ARMC9: variants seen among roughly 807,000 people sequenced by gnomAD.
ARMC9 encodes armadillo repeat containing 9.
A neutral mutation model predicts 107.0 loss-of-function variants in ARMC9; 94 were observed. The ratio of observed to expected loss-of-function variants is 0.88; its 90% confidence interval spans 0.74 to 1.04. ARMC9 has a LOEUF of 1.04. Among genes scored for constraint, ARMC9 ranks in the 50% least tolerant of loss-of-function variants. ARMC9 has a pLI of 0.00. For missense variants in ARMC9, 942 were observed against 1,030.1 expected (o/e 0.91, Z 1.17); for synonymous variants, 380 against 396.9 (o/e 0.96, Z 0.51).
intron 19 of ARMC9, among the ~76,000 whole-genome samples, chr2:231,301,839 C>T (rs903696948): frequency 2.6e-5 from 4 of 151,920 alleles, no homozygotes; most frequent in African/African-American, 7.3e-5. Flanking sequence ...ATCAGCTGGG[C>T]GTGGTGGTGC....
rs2040908665 is a variant in ARMC9, at chr2:231,290,456, C to A, written c.1627-897C>A. 2.0e-5 allele frequency among the ~76,000 whole-genome samples: 3 copies of A among 152,186 alleles called. No individual in the cohort carries two copies. The South Asian group carries it at 6.2e-4, about 32-fold the overall frequency. ...ACAGTTTGATCAGGGGCTTACATGCCACTAGATCCGTTTCTCTGGCAGTAC... is the reference window on the plus strand; with the variant it reads ...ACAGTTTGATCAGGGGCTTACATGCAACTAGATCCGTTTCTCTGGCAGTAC... On this transcript the variant is annotated intron_variant, in intron 17 of 24. Coordinates refer to ENST00000611582, the MANE Select transcript of ARMC9 (RefSeq NM_001352754.2).
At chr2:231,339,271 T>G (rs938712002) in intron 20 of ARMC9, among the ~76,000 whole-genome samples, 2 of 151,120 alleles carry the variant, frequency 1.3e-5, no homozygotes, top group African/African-American at 4.9e-5. Flanking sequence ...GAGGTTGCAG[T>G]GAGCCGAGAT....
intron 1 of ARMC9, among the ~76,000 whole-genome samples, chr2:231,200,171 C>G (rs536971447): frequency 3.9e-5 from 6 of 152,078 alleles, no homozygotes; most frequent in Admixed American, 1.3e-4. Flanking sequence ...GTGTTCTAGG[C>G]GGAGAGAGTA....
chr2:231,341,640 T>TAGATA lies in ARMC9; in HGVS notation c.1879-3335_1879-3334insAGATA, dbSNP rs1553633323. ...GATGATTGATTGATAGATAGATAGATGATAGATAGATAGATAGATAGATAG... is the reference window on the plus strand; with the variant it reads ...GATGATTGATTGATAGATAGATAGATAGATAGATAGATAGATAGATAGATAGATAG... On this transcript the variant is annotated intron_variant, in intron 20 of 24. Transcript: ENST00000611582. Among the ~76,000 whole-genome samples, 74 of 140,132 alleles carry TAGATA rather than the reference T, an allele frequency of 5.3e-4. 1 individual carries two copies. Among genetic ancestry groups the TAGATA allele is most frequent in the African/African-American group, 2.1e-3 (67 of 31,692 alleles). The allele number at this position is 140,132 out of a possible 152,430, so 91.9% of individuals were successfully genotyped here.
intron 20 of ARMC9, among the ~76,000 whole-genome samples, chr2:231,337,290 ATTTTTTTTT>A (rs58078324): frequency 1.1e-4 from 4 of 38,014 alleles, no homozygotes; most frequent in Admixed American, 8.2e-4. Flanking sequence ...ATATATATAT[ATTTTTTTTT>A]TTTTTTTTTT....
chr2:231,361,931 G>A (rs536891669), intron 23 of ARMC9, among the ~76,000 whole-genome samples: 6 of 152,268 alleles, frequency 3.9e-5, no homozygotes, highest in Non-Finnish European at 8.8e-5. Flanking sequence ...GAAAGGGGGC[G>A]CAGACAAGTG....
intron 12 of ARMC9, among the ~76,000 whole-genome samples, chr2:231,266,066 A>G (rs1029825182): frequency 2.6e-5 from 4 of 152,216 alleles, no homozygotes; most frequent in Non-Finnish European, 4.4e-5. Context: ...CAGGGCAGAA[A>G]GACTCCTTGT....
chr2:231,232,458 T>C (rs1324898556), intron 7 of ARMC9, among the ~76,000 whole-genome samples: 1 of 120,120 alleles, frequency 8.3e-6, no homozygotes, highest in African/African-American at 4.8e-5. Flanking sequence ...CAGGTGACTT[T>C]TTTTTTTTTT....
intron 19 of ARMC9, among the ~76,000 whole-genome samples, chr2:231,328,749 A>G (rs1303078884): frequency 7.5e-6 from 1 of 133,318 alleles, no homozygotes; most frequent in Non-Finnish European, 1.7e-5. Flanking sequence ...ATGTAGATTG[A>G]TTCTTCCCAT....
intron 17 of ARMC9, among the ~76,000 whole-genome samples, chr2:231,291,030 T>C (rs1394375472): frequency 2.6e-5 from 4 of 151,928 alleles, no homozygotes; most frequent in East Asian, 3.9e-4. Flanking sequence ...CTATGAATTA[T>C]GAAAAGGATA....
chr2:231,221,830 CAA>C (rs61031104), intron 5 of ARMC9, among the ~76,000 whole-genome samples: 7 of 74,058 alleles, frequency 9.5e-5, no homozygotes, highest in Admixed American at 1.7e-4. Context: ...GACTCTGTCT[CAA>C]AAAAAAAAAA....
intron 10 of ARMC9, among the ~76,000 whole-genome samples, chr2:231,257,686 TGAG>T (rs766172766): frequency 9.2e-5 from 14 of 152,132 alleles, no homozygotes; most frequent in African/African-American, 1.7e-4. Context: ...ACTTACAAAA[TGAG>T]GAGAATCATA....
At position 231,278,403 on chromosome 2, in the gene ARMC9, T is replaced by C. The variant is rs1402249320; in HGVS notation, c.1496T>C (p.Val499Ala). The C allele has an allele frequency of 6.2e-7, 1 of 1,614,040 alleles. No homozygotes were observed. Among genetic ancestry groups the C allele is most frequent in the African/African-American group, 1.3e-5 (1 of 74,928 alleles). Residue 499 changes from valine to alanine, a missense_variant, in exon 16 of 25, where the codon GTG becomes GCG. Val to Ala is a moderately conservative substitution (Grantham distance 64). Coordinates refer to ENST00000611582, the MANE Select transcript of ARMC9 (RefSeq NM_001352754.2). ...ATAGGGAAGAACATGTGTGCCAAGG[T>C]GGCAGGCCTCGTGCTCAAAGTCCTT... ...RSTGKNMCAK[V>A]AGLVLKVLSD...
At position 231,278,550 on chromosome 2, in the gene ARMC9, T is replaced by A. The variant is rs932773903; in HGVS notation, c.1551+92T>A. ...CCACAGGCACACAGCTGGCCCAGGATGGTTGCTGTATTTGAAAACTGTACA... is the reference window on the plus strand; with the variant it reads ...CCACAGGCACACAGCTGGCCCAGGAAGGTTGCTGTATTTGAAAACTGTACA... On this transcript the variant is annotated intron_variant, in intron 16 of 24. Transcript: ENST00000611582. 2.6e-6 allele frequency: 3 copies of A among 1,142,064 alleles called. No homozygotes were observed. In the East Asian group the frequency reaches 7.1e-5, roughly 27 times the overall value. The allele number at this position is 1,142,064 out of a possible 1,614,324, so 70.7% of individuals were successfully genotyped here. A position where few individuals can be genotyped will look rare whatever the true frequency, so the allele number is the denominator to read the frequency against.
intron 12 of ARMC9, among the ~76,000 whole-genome samples, chr2:231,265,415 A>G (rs2038768179): frequency 6.6e-6 from 1 of 152,228 alleles, no homozygotes; most frequent in Non-Finnish European, 1.5e-5. Flanking sequence ...CCACTCAGCC[A>G]TAAAAAGGAA....
At chr2:231,370,788 A>G (rs1041126669) in intron 24 of ARMC9, 1 of 239,844 alleles carries the variant, frequency 4.2e-6, no homozygotes, top group Admixed American at 5.2e-5. Flanking sequence ...CCACGCCCCA[A>G]CTGAGCTGAA....
At chr2:231,276,889 A>G (rs1354190820) in intron 15 of ARMC9, 114 bp downstream of exon 15, 1 of 1,396,182 alleles carries the variant, frequency 7.2e-7, no homozygotes, top group Non-Finnish European at 9.5e-7. Flanking sequence ...AAAACTAAAA[A>G]CAGAAAAAGG....
chr2:231,262,024 A>G (rs902011007), intron 11 of ARMC9, among the ~76,000 whole-genome samples: 2 of 152,030 alleles, frequency 1.3e-5, no homozygotes, highest in Admixed American at 6.6e-5. Context: ...GGGTTTCACC[A>G]TGTTAGCCAG....
chr2:231,256,658 C>G, intron 10 of ARMC9, 38 bp downstream of exon 10: 2 of 1,597,080 alleles, frequency 1.3e-6, no homozygotes, highest in Non-Finnish European at 1.7e-6. Context: ...TTAAGGAGAA[C>G]AGCAATGTGT....
Sources: gnomAD v4.1 joint callset for allele counts (sites outside exome capture counted in the v4.1 genomes callset) on GRCh38, gnomAD v4.1.1 for gene constraint, MANE v1.5 for transcripts, NCBI Gene and HGNC (gene_info 2026-07-23, HGNC 2026-07-21) for gene names.